Variants in TTN observed in about 807,000 individuals in gnomAD.
TTN encodes connectin.
TTN carries 1,525 observed loss-of-function variants against 3,223.0 expected under a neutral mutation model. That is an observed-to-expected ratio of 0.47 (90% CI 0.45 to 0.49). The LOEUF (loss-of-function observed/expected upper bound fraction) is 0.49. TTN is among the 20% of genes least tolerant of loss of function. The pLI, the probability that TTN is intolerant of heterozygous loss-of-function variation, is 0.00. For missense variants in TTN, 40,786 were observed against 43,424.0 expected (o/e 0.94, Z 5.40); for synonymous variants, 14,094 against 15,161.0 (o/e 0.93, Z 5.17).
At chr2:178,625,186 G>A in intron 241 of TTN, 87 bp downstream of exon 241, 1 of 1,461,822 alleles carries the variant, frequency 6.8e-7, no homozygotes, top group Non-Finnish European at 9.2e-7. Context: ...AACATCTATA[G>A]TACTCATCAT....
At chr2:178,741,942 AT>A in intron 47 of TTN, 21 bp from the exon 48 acceptor site, 1 of 1,387,374 alleles carries the variant, frequency 7.2e-7, no homozygotes, top group South Asian at 1.9e-5. Context: ...AAAAATGATT[AT>A]TATTTTACTA....
Position 178,617,102 on chromosome 2 carries a change from A to C in TTN, c.47875+18T>G. 2.5e-6 allele frequency: 4 copies of C among 1,610,600 alleles called. No homozygotes were observed. The highest frequency in any genetic ancestry group is 3.4e-6 in the Non-Finnish European group (4 of 1,178,376). On this transcript the variant is annotated intron_variant, in intron 255 of 362. Transcript: ENST00000589042. ...GCTATGTGCTATTCCCCGATCTAAA[A>C]ATAAAATATCTATTTACCAAATGCA...
Position 178,594,102 on chromosome 2 carries a change from C to A in TTN, c.58291G>T (p.Asp19431Tyr), listed in dbSNP as rs1236754057. 5.0e-6 allele frequency: 8 copies of A among 1,613,280 alleles called. No individual in the cohort carries two copies. Among genetic ancestry groups the A allele is most frequent in the African/African-American group, 2.7e-5 (2 of 74,884 alleles). The stretch of plus-strand genomic sequence containing the variant: ...GGTGTAGTCTTTATATGAGTGCGAT[C>A]ATCTTCCAGCACATCAGCTTCATCT... ...FKDEADVLED[D>Y]RTHIKTTPAT... The change falls in exon 297 of 363, where the codon GAT becomes TAT. Residue 19431 changes from aspartate to tyrosine, a missense_variant. Transcript: ENST00000589042.
At position 178,639,561 on chromosome 2, in the gene TTN, A is replaced by G. The variant is rs115531959; in HGVS notation, c.40876+138T>C. 1,875 of 872,808 alleles carry G rather than the reference A, an allele frequency of 2.1e-3. 37 individuals carry two copies. The African/African-American group carries it at 0.028, about 13-fold the overall frequency. The allele number at this position is 872,808 out of a possible 1,614,324, so 54.1% of individuals were successfully genotyped here. ...AAAGGATATCACATGAAGAAAAGGT[A>G]GAAACTTACCATAAACCTCCGAAGT... is the stretch of plus-strand genomic sequence containing the variant. On this transcript the variant is annotated intron_variant, in intron 223 of 362. Coordinates refer to ENST00000589042, the MANE Select transcript of TTN (RefSeq NM_001267550.2).
rs754384143 is a variant in TTN at position 178,532,190 on chromosome 2, C to G, written c.104425G>C (p.Val34809Leu). The change falls in exon 358 of 363, where the codon GTG (valine) becomes CTG (leucine). Residue 34809 changes from valine (V) to leucine (L), a missense_variant. Transcript: ENST00000589042. ...SRKKSRRQRE[V>L]TEITEIEEEY... Reference sequence around the variant, plus strand: ...TCCTCAATTTCTGTTATTTCTGTCACTTCTCTTTGTCGCCTTGATTTCTTT... The same window carrying G: ...TCCTCAATTTCTGTTATTTCTGTCAGTTCTCTTTGTCGCCTTGATTTCTTT... 8.1e-6 allele frequency: 13 copies of G among 1,613,562 alleles called. No individual in the cohort carries two copies. The highest frequency in any genetic ancestry group is 1.1e-5 in the Non-Finnish European group (13 of 1,179,888).
chr2:178,532,919 A>C lies in TTN; in HGVS notation c.103696T>G (p.Ser34566Ala), dbSNP rs556060586. The C allele has an allele frequency of 6.2e-7, 1 of 1,613,932 alleles. No individual in the cohort carries two copies. Reference sequence around the variant, plus strand: ...ATCTTTTTATACCACTTCATGTCAGACATGGGCACGAACTGCTTGATGCGT... The same window carrying C: ...ATCTTTTTATACCACTTCATGTCAGCCATGGGCACGAACTGCTTGATGCGT... Reference protein sequence around the residue: ...DQRIKQFVPMSDMKWYKKIRD... With the variant: ...DQRIKQFVPMADMKWYKKIRD... The change falls in exon 358 of 363, where the codon TCT becomes GCT. Residue 34566 changes from serine (S) to alanine (A), a missense_variant. Ser to Ala is a moderately conservative substitution (Grantham distance 99). Coordinates refer to ENST00000589042, the MANE Select transcript of TTN (RefSeq NM_001267550.2).
chr2:178,635,165 A>C lies in TTN; in HGVS notation c.42024T>G (p.Pro14008=), dbSNP rs1476891829. 11 of 1,610,590 alleles carry C rather than the reference A, an allele frequency of 6.8e-6. No individual in the cohort carries two copies. The South Asian group carries it at 1.2e-4, about 18-fold the overall frequency. ...KLKGELLRPS[P]TCEIKAEGGK... ...CAATTTAAAATGTGAAATTACTCAC[A>C]GGTGAGGGCCTTAGAAGTTCTCCTT... The change falls in exon 228 of 363, where the codon CCT becomes CCG. Residue 14008 remains proline, a splice_region_variant and synonymous_variant. Coordinates refer to ENST00000589042, the MANE Select transcript of TTN (RefSeq NM_001267550.2).
At chr2:178,536,738 A>G (rs1435382976) in intron 356 of TTN, 163 bp from the exon 357 acceptor site, 5 of 812,656 alleles carry the variant, frequency 6.2e-6, no homozygotes, top group Non-Finnish European at 9.0e-6. Context: ...ATCAAAAACC[A>G]AAGTTCTATT....
At chr2:178,721,256 G>A (rs910597343) in intron 78 of TTN, 54 bp from the exon 79 acceptor site, 5 of 1,355,026 alleles carry the variant, frequency 3.7e-6, no homozygotes, top group Non-Finnish European at 4.8e-6. Flanking sequence ...CATGTTAAAA[G>A]AGCTTGTTTT....
At chr2:178,703,271 C>T (rs568200685) in intron 106 of TTN, among the ~76,000 whole-genome samples, 2 of 152,210 alleles carry the variant, frequency 1.3e-5, no homozygotes, top group Non-Finnish European at 2.9e-5. Flanking sequence ...ATATGTATAA[C>T]AGTACCATAA....
At position 178,576,379 on chromosome 2, in the gene TTN, A is replaced by G; in HGVS notation, c.69753T>C (p.Asp23251=). The change falls in exon 326 of 363, where the codon GAT becomes GAC. Residue 23251 remains aspartate, a synonymous_variant. Transcript: ENST00000589042. The surrounding 1 kb of genome is among the most constrained non-coding windows in gnomAD (Gnocchi z 4.3). ...CCAAAGAAGCAGATTTCTTGGTAGT[A>G]TCAGTGACATGCGGATTTGAAGGTG... ...PGPPSNPHVT[D]TTKKSASLAW... is the part of the protein sequence containing the mutation. The G allele has an allele frequency of 6.4e-7, 1 of 1,561,686 alleles. No homozygotes were observed. Among genetic ancestry groups the G allele is most frequent in the Non-Finnish European group, 8.6e-7 (1 of 1,161,292 alleles).
intron 10 of TTN, 45 bp downstream of exon 10, chr2:178,792,027 T>C: frequency 6.2e-7 from 1 of 1,600,210 alleles, no homozygotes; most frequent in South Asian, 1.1e-5. Context: ...GGCTGTAATG[T>C]GATATTGTCA....
In TTN at chr2:178,576,744, C is replaced by A; in HGVS notation, c.69500G>T (p.Gly23167Val). Residue 23167 changes from glycine to valine, a missense_variant, in exon 325 of 363, where the codon GGT (glycine) becomes GTT (valine). Coordinates refer to ENST00000589042, the MANE Select transcript of TTN (RefSeq NM_001267550.2). This position sits in a 1 kb window ranked among gnomAD's most constrained non-coding sequence, Gnocchi z 4.3. ...ATGATATCCTGTAATTTCGCTGCCA[C>A]CATCATCCACTGGCCTTTTCCAGCT... ...TVSWKRPVDD[G>V]GSEITGYHVE... The A allele has an allele frequency of 6.2e-7, 1 of 1,613,528 alleles. No homozygotes were observed. Among genetic ancestry groups the A allele is most frequent in the Non-Finnish European group, 8.5e-7 (1 of 1,179,630 alleles).
intron 13 of TTN, 55 bp from the exon 14 acceptor site, chr2:178,786,196 T>C (rs2093166782): frequency 1.3e-6 from 2 of 1,590,390 alleles, no homozygotes; most frequent in Non-Finnish European, 1.7e-6. Context: ...CAGGCTGGAA[T>C]ATCTCCTGGG....
rs1366677 is a variant in TTN, at chr2:178,649,693, G to A, written c.39896-62C>T. The A allele has an allele frequency of 0.023, 35,979 of 1,539,972 alleles. 611 individuals are homozygous for A. Among genetic ancestry groups the A allele is most frequent in the East Asian group, 0.091 (3,933 of 43,304 alleles). ...TGTGAGATGTAAGATATACATACAAGTTTATTCAACACTGTAACATATAGG... is the reference window on the plus strand; with the variant it reads ...TGTGAGATGTAAGATATACATACAAATTTATTCAACACTGTAACATATAGG... On this transcript the variant is annotated intron_variant, in intron 211 of 362. Transcript: ENST00000589042.
rs775732793 is a variant in TTN at position 178,731,529 on chromosome 2, G to C, written c.17237C>G (p.Thr5746Arg). The change falls in exon 59 of 363, where the codon ACA becomes AGA. Residue 5746 changes from threonine to arginine, a missense_variant. Transcript: ENST00000589042. The stretch of plus-strand genomic sequence containing the variant: ...CTTCAGAGTGGCCTGGAAGGCAGCT[G>C]TGCCTCCCCGGAGGGAGCTGGTACT... ...IESTSSLRGG[T>R]AAFQATLKGS... 26 of 1,613,066 alleles carry C rather than the reference G, an allele frequency of 1.6e-5. No individual in the cohort carries two copies. Among genetic ancestry groups the C allele is most frequent in the Admixed American group, 5.0e-5 (3 of 59,924 alleles).
intron 99 of TTN, among the ~76,000 whole-genome samples, chr2:178,708,666 C>T (rs1409861318): frequency 4.6e-5 from 7 of 152,140 alleles, no homozygotes; most frequent in Non-Finnish European, 7.4e-5. Context: ...ATATATTTTT[C>T]ATTTTATAAA....
At position 178,736,072 on chromosome 2, in the gene TTN, C is replaced by A. The variant is rs1449024481; in HGVS notation, c.14374G>T (p.Ala4792Ser). Residue 4792 changes from alanine to serine, a missense_variant and splice_region_variant, in exon 50 of 363, where the codon GCA (alanine) becomes TCA (serine). Ala to Ser is a moderately conservative substitution (Grantham distance 99). Transcript: ENST00000589042. ...CTGGAGAGAAAGGTTGGTGGATATG[C>A]CTCTGCAAAAGAAATTTTTCCAGCA... Reference protein sequence around the residue: ...SCTATLTVTEAYPPTFLSRPK... With the variant: ...SCTATLTVTESYPPTFLSRPK... The A allele has an allele frequency of 6.4e-7, 1 of 1,552,456 alleles. No homozygotes were observed. Among genetic ancestry groups the A allele is most frequent in the South Asian group, 1.2e-5 (1 of 80,388 alleles).
At chr2:178,753,649 G>C (rs1263825778) in intron 46 of TTN, 1 of 157,828 alleles carries the variant, frequency 6.3e-6, no homozygotes, top group Non-Finnish European at 1.4e-5. Context: ...TGAACTACAT[G>C]AAGTCCAAAT....
Sources: allele counts gnomAD v4.1 joint callset (sites outside exome capture counted in the v4.1 genomes callset), GRCh38; gene constraint gnomAD v4.1.1; non-coding constraint Gnocchi (gnomAD v3.1); transcripts MANE v1.5; gene names NCBI Gene and HGNC (gene_info 2026-07-23, HGNC 2026-07-21).